TRIM21: variants seen among roughly 807,000 people sequenced by gnomAD.
The protein encoded by TRIM21 is E3 ubiquitin-protein ligase TRIM21.
TRIM21 carries 35 observed loss-of-function variants against 36.1 expected under a neutral mutation model. The observed-to-expected ratio is 0.97, with a 90% confidence interval of 0.74 to 1.28. TRIM21 has a LOEUF of 1.28. Among genes scored for constraint, TRIM21 ranks in the 50% most tolerant of loss-of-function variants. TRIM21 has a pLI of 0.00. For synonymous variants in TRIM21, 256 were observed against 211.5 expected (o/e 1.21, Z -1.83); for missense variants, 635 against 570.7 (o/e 1.11, Z -1.15).
At position 4,385,913 on chromosome 11, in the gene TRIM21, G is replaced by A; in HGVS notation, c.860-60C>T. On this transcript the variant is annotated intron_variant, in intron 6 of 6. Coordinates refer to ENST00000254436, the MANE Select transcript of TRIM21 (RefSeq NM_003141.4). ...GGGGGAGTTCACTAAGTCTGTGCCT[G>A]TGGTGGGGGGATTTTGTGTAAACTC... The A allele has an allele frequency of 6.1e-6, 9 of 1,467,778 alleles. No individual in the cohort carries two copies. In the South Asian group the frequency reaches 1.1e-4, roughly 18 times the overall value. The allele number at this position is 1,467,778 out of a possible 1,614,324, so 90.9% of individuals were successfully genotyped here.
At chr11:4,390,681 A>G (rs2855141) in intron 1 of TRIM21, among the ~76,000 whole-genome samples, 2 of 152,170 alleles carry the variant, frequency 1.3e-5, no homozygotes, top group Non-Finnish European at 2.9e-5. Context: ...GTCAAATTAT[A>G]CTGTAGAGCT....
Position 4,387,058 on chromosome 11 carries a change from G to A in TRIM21, c.736-68C>T, listed in dbSNP as rs529342842. On this transcript the variant is annotated intron_variant, in intron 4 of 6. Transcript: ENST00000254436. Reference sequence around the variant, plus strand: ...TCGCCACTGAGACATCAGCCCTGTGGGTGATGTGATCCATCTTTGGTCCCT... The same window carrying A: ...TCGCCACTGAGACATCAGCCCTGTGAGTGATGTGATCCATCTTTGGTCCCT... 8.6e-6 allele frequency: 13 copies of A among 1,512,346 alleles called. No homozygotes were observed. The African/African-American group carries it at 1.8e-4, about 21-fold the overall frequency. The allele number at this position is 1,512,346 out of a possible 1,614,324, so 93.7% of individuals were successfully genotyped here. A position where few individuals can be genotyped will look rare whatever the true frequency, so the allele number is the denominator to read the frequency against.
chr11:4,385,200 G>C lies in TRIM21; in HGVS notation c.*85C>G, dbSNP rs1414894413. ...GGATGCCTCTGCAGAGACAAAGGTG[G>C]TTCAGAGTTCATGGGGAAAAGAGGC... On this transcript the variant is annotated 3_prime_UTR_variant, in exon 7 of 7. Coordinates refer to ENST00000254436, the MANE Select transcript of TRIM21 (RefSeq NM_003141.4). The C allele has an allele frequency of 7.4e-7, 1 of 1,351,828 alleles. No homozygotes were observed. The highest frequency in any genetic ancestry group is 1.0e-6 in the Non-Finnish European group (1 of 996,382). The allele number at this position is 1,351,828 out of a possible 1,614,324, so 83.7% of individuals were successfully genotyped here.
rs1467680681 is a variant in TRIM21, at chr11:4,389,904, AAACCCCTCCTTTCTCT to A, written c.408+82_408+97del. 12 of 1,526,482 alleles carry A rather than the reference AAACCCCTCCTTTCTCT, an allele frequency of 7.9e-6. No homozygotes were observed. In the East Asian group the frequency reaches 9.1e-5, roughly 12 times the overall value. The allele number at this position is 1,526,482 out of a possible 1,614,324, so 94.6% of individuals were successfully genotyped here. A position where few individuals can be genotyped will look rare whatever the true frequency, so the allele number is the denominator to read the frequency against. On this transcript the variant is annotated intron_variant, in intron 2 of 6. Transcript: ENST00000254436. ...TCCTACATTAGACATGGAGAGAGGT[AAACCCCTCCTTTCTCT>A]AACCCCTCCAATCCAGAGGTGGTCC...
In TRIM21 at chr11:4,385,062, A is replaced by T. The variant is rs1485644109; in HGVS notation, c.*223T>A. On this transcript the variant is annotated 3_prime_UTR_variant, in exon 7 of 7. Transcript: ENST00000254436. ...AACATGTTTTTGGTTGATCAAGATG[A>T]GTTTGGGCCAAATATAAGGAGGCTG... 2.0e-6 allele frequency: 1 copy of T among 506,164 alleles called. No individual in the cohort carries two copies. 31.4% of individuals were successfully genotyped at this position (506,164 alleles called of 1,614,324 possible). A position where few individuals can be genotyped will look rare whatever the true frequency, so the allele number is the denominator to read the frequency against.
Position 4,386,244 on chromosome 11 carries a change from T to C in TRIM21, c.772A>G (p.Asn258Asp). Residue 258 changes from asparagine to aspartate, a missense_variant, in exon 6 of 7, where the codon AAC (asparagine) becomes GAC (aspartate). Transcript: ENST00000254436. ...IIVLERSESWNLKDLDITSPE... is the reference protein window; with the variant it reads ...IIVLERSESWDLKDLDITSPE... ...GAGGTAATATCCAGGTCCTTCAGGT[T>C]CCAGGACTCACTCCTGGGGGAAAGA... 6.2e-7 allele frequency: 1 copy of C among 1,613,826 alleles called. No individual in the cohort carries two copies. Among genetic ancestry groups the C allele is most frequent in the Non-Finnish European group, 8.5e-7 (1 of 1,179,772 alleles).
At position 4,389,654 on chromosome 11, in the gene TRIM21, CT is replaced by C; in HGVS notation, c.503del (p.Lys168ArgfsTer41). The part of the protein sequence containing the change: ...VEIAIKRADW[K>X]KTVETQKSRI... ...ATCTCCTTCAGGATGTCATTCTTAC[CT>C]TCCAGTCTGCTCTCTTTATTGCAAT... On this transcript the variant is annotated frameshift_variant and splice_region_variant, in exon 3 of 7. Transcript: ENST00000254436. LOFTEE classifies it high-confidence loss of function. 1.2e-6 allele frequency: 2 copies of C among 1,613,554 alleles called. No homozygotes were observed. Among genetic ancestry groups the C allele is most frequent in the Non-Finnish European group, 1.7e-6 (2 of 1,179,510 alleles).
intron 1 of TRIM21, 35 bp from the exon 2 acceptor site, chr11:4,390,493 AG>A (rs1440144590): frequency 4.2e-6 from 6 of 1,414,600 alleles, no homozygotes; most frequent in Non-Finnish European, 4.8e-6. Flanking sequence ...AGAGAATATG[AG>A]AAAGTCTGTG....
At chr11:4,391,093 A>T (rs1000378272) in intron 1 of TRIM21, among the ~76,000 whole-genome samples, 5 of 152,240 alleles carry the variant, frequency 3.3e-5, no homozygotes, top group Non-Finnish European at 7.3e-5. Flanking sequence ...TCATGTTGAA[A>T]AGGTGCTGCA....
chr11:4,389,546 C>T, intron 3 of TRIM21, 108 bp downstream of exon 3: 2 of 948,854 alleles, frequency 2.1e-6, no homozygotes, highest in Non-Finnish European at 3.4e-6. Flanking sequence ...GACGGACCAA[C>T]TCTATCACTG....
chr11:4,392,005 T>A (rs1440980950), intron 1 of TRIM21, among the ~76,000 whole-genome samples: 2 of 152,036 alleles, frequency 1.3e-5, no homozygotes, highest in Admixed American at 1.3e-4. Flanking sequence ...GTGAATTAGA[T>A]CTAGTATTTG....
rs760428568 is a variant in TRIM21 at position 4,385,571 on chromosome 11, C to G, written c.1142G>C (p.Trp381Ser). 1.2e-6 allele frequency: 2 copies of G among 1,612,466 alleles called. No homozygotes were observed. Among genetic ancestry groups the G allele is most frequent in the South Asian group, 1.1e-5 (1 of 90,702 alleles). ...CTCATATTTTTGTTTGTTCCACAAC[C>G]AAATTGTCCAGAAGCCACTCTTGGA... ...LSSKSGFWTI[W>S]LWNKQKYEAG... Residue 381 changes from tryptophan (W) to serine (S), a missense_variant, in exon 7 of 7, where the codon TGG (tryptophan) becomes TCG (serine). Coordinates refer to ENST00000254436, the MANE Select transcript of TRIM21 (RefSeq NM_003141.4).
Position 4,390,197 on chromosome 11 carries a change from G to A in TRIM21, c.213C>T (p.Asn71=). 6.2e-7 allele frequency: 1 copy of A among 1,614,024 alleles called. No individual in the cohort carries two copies. Among genetic ancestry groups the A allele is most frequent in the Non-Finnish European group, 8.5e-7 (1 of 1,179,898 alleles). ...KNLRPNRQLA[N]MVNNLKEISQ... ...TGATTTCTTTAAGGTTGTTCACCAT[G>A]TTGGCTAGCTGTCGATTGGGCCGGA... The change falls in exon 2 of 7, where the codon AAC becomes AAT. Residue 71 remains asparagine, a synonymous_variant. Coordinates refer to ENST00000254436, the MANE Select transcript of TRIM21 (RefSeq NM_003141.4).
intron 4 of TRIM21, 21 bp from the exon 5 acceptor site, chr11:4,387,011 A>C (rs1458974558): frequency 1.9e-6 from 3 of 1,570,944 alleles, no homozygotes; most frequent in Non-Finnish European, 1.7e-6. Flanking sequence ...AAGAGACAGA[A>C]AGTAAGTTCT....
intron 1 of TRIM21, among the ~76,000 whole-genome samples, chr11:4,392,795 C>G (rs543956940): frequency 6.6e-6 from 1 of 152,276 alleles, no homozygotes; most frequent in South Asian, 2.1e-4. Flanking sequence ...AAGCTGTTGA[C>G]AGTTCTACTC....
Position 4,390,265 on chromosome 11 carries a change from T to TGC in TRIM21, c.143_144dup (p.Ser49AlafsTer22). 6.2e-7 allele frequency: 1 copy of TGC among 1,613,976 alleles called. No homozygotes were observed. Among genetic ancestry groups the TGC allele is most frequent in the Non-Finnish European group, 8.5e-7 (1 of 1,179,886 alleles). On this transcript the variant is annotated frameshift_variant, in exon 2 of 7. Transcript: ENST00000254436. LOFTEE classifies it high-confidence loss of function. The stretch of plus-strand genomic sequence containing the variant: ...CGCTGCCGGCACACAGGACAGACGC[T>TGC]GCCCCCACCTTTCCCAACCTGAGAG...
chr11:4,386,294 T>C, intron 5 of TRIM21, 37 bp from the exon 6 acceptor site: 1 of 1,540,308 alleles, frequency 6.5e-7, no homozygotes, highest in East Asian at 2.3e-5. Context: ...TGTCTCCTAC[T>C]CCTATCCCAA....
Position 4,385,054 on chromosome 11 carries a change from T to C in TRIM21, c.*231A>G, listed in dbSNP as rs1206424746. ...AAGGCAGAAACATGTTTTTGGTTGA[T>C]CAAGATGAGTTTGGGCCAAATATAA... is the stretch of plus-strand genomic sequence containing the variant. On this transcript the variant is annotated 3_prime_UTR_variant, in exon 7 of 7. Coordinates refer to ENST00000254436, the MANE Select transcript of TRIM21 (RefSeq NM_003141.4). The C allele has an allele frequency of 4.1e-6, 2 of 489,968 alleles. No individual in the cohort carries two copies. The highest frequency in any genetic ancestry group is 3.7e-5 in the Admixed American group (1 of 26,696). 30.4% of individuals were successfully genotyped at this position (489,968 alleles called of 1,614,324 possible).
Position 4,390,175 on chromosome 11 carries a change from T to C in TRIM21, c.235A>G (p.Ile79Val), listed in dbSNP as rs1272795109. ...LANMVNNLKE[I>V]SQEAREGTQG... ...GTGCCCTCTCTGGCCTCCTGGCTGA[T>C]TTCTTTAAGGTTGTTCACCATGTTG... Residue 79 changes from isoleucine (I) to valine (V), a missense_variant, in exon 2 of 7, where the codon ATC becomes GTC. By Grantham distance (29) the Ile-to-Val change is conservative. Coordinates refer to ENST00000254436, the MANE Select transcript of TRIM21 (RefSeq NM_003141.4). 6.2e-7 allele frequency: 1 copy of C among 1,614,040 alleles called. No individual in the cohort carries two copies. Among genetic ancestry groups the C allele is most frequent in the Non-Finnish European group, 8.5e-7 (1 of 1,179,892 alleles).
Sources: allele counts gnomAD v4.1 joint callset (sites outside exome capture counted in the v4.1 genomes callset), GRCh38; gene constraint gnomAD v4.1.1; transcripts MANE v1.5; gene names NCBI Gene and HGNC (gene_info 2026-07-23, HGNC 2026-07-21).